ZNF362: variants seen among roughly 807,000 people sequenced by gnomAD.
ZNF362 encodes the protein rotund homolog.
A neutral mutation model predicts 42.9 loss-of-function variants in ZNF362; 11 were observed. The observed-to-expected ratio is 0.26, with a 90% CI of 0.16 to 0.42. ZNF362 has a LOEUF of 0.42. Ranked by LOEUF, ZNF362 falls within the 20% of genes least tolerant of loss-of-function variation. ZNF362 has a pLI of 1.00. For synonymous variants in ZNF362, 255 were observed against 257.3 expected, an observed-to-expected ratio of 0.99 and a Z score of 0.09; for missense variants, 362 against 576.2, an observed-to-expected ratio of 0.63 and a Z score of 3.81.
the ZNF362 span, chr1:33,147,037 A>G: frequency 2.4e-6 from 2 of 834,764 alleles, no homozygotes; most frequent in Non-Finnish European, 3.8e-6. The surrounding 1 kb of genome is among the most constrained non-coding windows in gnomAD (Gnocchi z 8.1). Flanking sequence ...TCCATTTTAC[A>G]GACTGGAGGC....
At chr1:33,250,896 G>GAAGGAGA in the ZNF362 span, among the ~76,000 whole-genome samples, 2 of 39,924 alleles carry the variant, frequency 5.0e-5, no homozygotes, top group Non-Finnish European at 1.1e-4. Context: ...GAAGAAGAAG[G>GAAGGAGA]AGAAGAAGAA....
At chr1:33,292,107 G>A (rs1646082797) in intron 6 of ZNF362, among the ~76,000 whole-genome samples, 1 of 152,176 alleles carries the variant, frequency 6.6e-6, no homozygotes, top group South Asian at 2.1e-4. Context: ...ACACTATGTT[G>A]AATAGGAGTG....
chr1:33,280,519 C>T lies in ZNF362; in HGVS notation c.683+62C>T. 1 of 1,479,614 alleles carries T rather than the reference C, an allele frequency of 6.8e-7. No individual in the cohort carries two copies. Among genetic ancestry groups the T allele is most frequent in the Admixed American group, 2.4e-5 (1 of 42,550 alleles). The allele number at this position is 1,479,614 out of a possible 1,614,324, so 91.7% of individuals were successfully genotyped here. A position where few individuals can be genotyped will look rare whatever the true frequency, so the allele number is the denominator to read the frequency against. On this transcript the variant is annotated intron_variant, in intron 5 of 8. Transcript: ENST00000539719. This position sits in a 1 kb window ranked among gnomAD's most constrained non-coding sequence, Gnocchi z 5.6. ...GGGGCTGGGGCTTGAGCCAGGGCTG[C>T]TCCAGGAGCCCAGCAGCGGGGCTGA... is the stretch of plus-strand genomic sequence containing the variant.
intron 2 of ZNF362, among the ~76,000 whole-genome samples, chr1:33,271,459 A>G (rs1011022623): frequency 2.0e-5 from 3 of 152,154 alleles, no homozygotes; most frequent in Admixed American, 2.0e-4. Flanking sequence ...CTGGGCTGCT[A>G]ATCCCTTACA....
chr1:33,185,192 A>G, the ZNF362 span, among the ~76,000 whole-genome samples: 1 of 151,818 alleles, frequency 6.6e-6, no homozygotes, highest in Admixed American at 6.6e-5. Context: ...AGGACATAGT[A>G]TGTGGTTTTC....
At chr1:33,184,108 T>C in the ZNF362 span, among the ~76,000 whole-genome samples, 3 of 151,624 alleles carry the variant, frequency 2.0e-5, no homozygotes, top group South Asian at 6.2e-4. Context: ...TTACTGATGC[T>C]GACTCCAAGC....
In ZNF362 at chr1:33,270,406, A is replaced by G. The variant is rs1557789574; in HGVS notation, c.-88-81A>G. ...ACATGAATCATGACATATTCAACACATAGATGTTGAAATCAATGGTAGCTG... is the reference window on the plus strand; with the variant it reads ...ACATGAATCATGACATATTCAACACGTAGATGTTGAAATCAATGGTAGCTG... On this transcript the variant is annotated intron_variant, in intron 1 of 8. Coordinates refer to ENST00000539719, the MANE Select transcript of ZNF362 (RefSeq NM_152493.3). 3 of 591,196 alleles carry G rather than the reference A, an allele frequency of 5.1e-6. No individual in the cohort carries two copies. The African/African-American group carries it at 5.6e-5, about 11-fold the overall frequency. 36.6% of individuals were successfully genotyped at this position (591,196 alleles called of 1,614,324 possible).
the ZNF362 span, among the ~76,000 whole-genome samples, chr1:33,207,274 A>C: frequency 2.6e-5 from 4 of 152,342 alleles, no homozygotes; most frequent in East Asian, 5.8e-4. Flanking sequence ...TGCAAAGGAC[A>C]TGAACTCATA....
chr1:33,171,632 G>T, the ZNF362 span, among the ~76,000 whole-genome samples: 149,238 of 152,250 alleles, frequency 0.98, 73,196 homozygotes, highest in Middle Eastern at 1. Context: ...AGTTAGTCGA[G>T]GAGGAAGAAA....
the ZNF362 span, among the ~76,000 whole-genome samples, chr1:33,180,116 C>A: frequency 6.6e-6 from 1 of 152,036 alleles, no homozygotes; most frequent in Non-Finnish European, 1.5e-5. Context: ...TTAAGGGAGA[C>A]CGATTAGAGT....
rs1646104557 is a variant in ZNF362, at chr1:33,294,696, G to GGACA, written c.909-239_909-236dup. On this transcript the variant is annotated intron_variant, in intron 6 of 8. Transcript: ENST00000539719. This position sits in a 1 kb window ranked among gnomAD's most constrained non-coding sequence, Gnocchi z 4.2. ...TGCAAGGGCTCTGGTGGTGGGCTGG[G>GGACA]GACAGCTGGGACCTGTGGGAAGTAG... 6.6e-6 allele frequency among the ~76,000 whole-genome samples: 1 copy of GGACA among 152,310 alleles called. No homozygotes were observed. Among genetic ancestry groups the GGACA allele is most frequent in the African/African-American group, 2.4e-5 (1 of 41,568 alleles).
chr1:33,150,595 G>A, the ZNF362 span, among the ~76,000 whole-genome samples: 15 of 152,220 alleles, frequency 9.9e-5, no homozygotes, highest in Non-Finnish European at 1.9e-4. Flanking sequence ...CATAGAAGAC[G>A]GGGAACCAAG....
At position 33,266,666 on chromosome 1, in the gene ZNF362, A is replaced by G. The variant is rs1645867076; in HGVS notation, c.-88-3821A>G. 6.6e-6 allele frequency among the ~76,000 whole-genome samples: 1 copy of G among 152,194 alleles called. No individual in the cohort carries two copies. Among genetic ancestry groups the G allele is most frequent in the South Asian group, 2.1e-4 (1 of 4,830 alleles). ...TACATGGGGGACTGGACAAATAACC[A>G]GATAACCAGACAGTTCCTCAAGGTG... is the stretch of plus-strand genomic sequence containing the variant. On this transcript the variant is annotated intron_variant, in intron 1 of 8. Coordinates refer to ENST00000539719, the MANE Select transcript of ZNF362 (RefSeq NM_152493.3). The surrounding 1 kb of genome is among the most constrained non-coding windows in gnomAD (Gnocchi z 4.3).
At chr1:33,273,980 A>G (rs1255884988) in intron 2 of ZNF362, among the ~76,000 whole-genome samples, 1 of 152,168 alleles carries the variant, frequency 6.6e-6, no homozygotes, top group Admixed American at 6.5e-5. Context: ...GGTGTATCCA[A>G]TTCTCAAGCT....
chr1:33,191,759 C>T, the ZNF362 span, among the ~76,000 whole-genome samples: 1 of 152,214 alleles, frequency 6.6e-6, no homozygotes, highest in Admixed American at 6.5e-5. Flanking sequence ...CCTGCCTCAA[C>T]CTCCCAAAGT....
At chr1:33,296,143 T>C (rs183820470) in intron 8 of ZNF362, among the ~76,000 whole-genome samples, 33 of 152,350 alleles carry the variant, frequency 2.2e-4, no homozygotes, top group African/African-American at 7.5e-4. Flanking sequence ...GTGTAGCTGC[T>C]GTAAAGCAGA....
chr1:33,245,943 C>CAG, the ZNF362 span, among the ~76,000 whole-genome samples: 3 of 151,534 alleles, frequency 2.0e-5, no homozygotes, highest in Admixed American at 6.6e-5. Context: ...CTATCTCAAA[C>CAG]AGAGAGAGAG....
the ZNF362 span, chr1:33,195,422 G>A: frequency 6.6e-6 from 1 of 152,186 alleles, no homozygotes; most frequent in Non-Finnish European, 1.5e-5. Flanking sequence ...ATTATTTAAT[G>A]ATGAGGATGT....
chr1:33,299,190 A>G lies in ZNF362; in HGVS notation c.*144A>G. On this transcript the variant is annotated 3_prime_UTR_variant, in exon 9 of 9. Transcript: ENST00000539719. Reference sequence around the variant, plus strand: ...ATCTTCCAGAAAGCTTGGTCCGCAGAAGCCCTGCCTGGTCCAGTCCGGGGG... The same window carrying G: ...ATCTTCCAGAAAGCTTGGTCCGCAGGAGCCCTGCCTGGTCCAGTCCGGGGG... The G allele has an allele frequency of 1.5e-6, 1 of 662,330 alleles. No individual in the cohort carries two copies. Among genetic ancestry groups the G allele is most frequent in the Non-Finnish European group, 2.6e-6 (1 of 381,774 alleles). 41.0% of individuals were successfully genotyped at this position (662,330 alleles called of 1,614,324 possible).
Sources: gnomAD v4.1 joint callset for allele counts (sites outside exome capture counted in the v4.1 genomes callset) on GRCh38, gnomAD v4.1.1 for gene constraint, Gnocchi (gnomAD v3.1) non-coding constraint, MANE v1.5 for transcripts, NCBI Gene and HGNC (gene_info 2026-07-23, HGNC 2026-07-21) for gene names.